Variants in STK24 observed in about 807,000 individuals in gnomAD.
STK24 encodes serine/threonine-protein kinase 24.
Under a neutral mutation model 55.6 loss-of-function variants are expected in STK24, and 21 were observed. The ratio of observed to expected loss-of-function variants is 0.38; its 90% confidence interval spans 0.27 to 0.54. STK24 has a LOEUF of 0.54. STK24 is among the 20% of genes least tolerant of loss of function. The probability of loss-of-function intolerance (pLI) is 0.79; values close to 1 mark genes in which losing one functional copy is unlikely to be tolerated. For synonymous variants in STK24, 200 were observed against 215.2 expected (o/e 0.93, Z 0.62); for missense variants, 383 against 538.4 (o/e 0.71, Z 2.86).
chr13:98,471,771 A>C (rs183995169), intron 5 of STK24, among the ~76,000 whole-genome samples: 2 of 152,324 alleles, frequency 1.3e-5, no homozygotes, highest in African/African-American at 4.8e-5. Context: ...TGAGATGAAG[A>C]AGCTAGTGAG....
intron 1 of STK24, chr13:98,543,147 G>A (rs1896934763): frequency 2.6e-6 from 1 of 387,952 alleles, no homozygotes; most frequent in Non-Finnish European, 3.5e-6. Context: ...ACAGCTTCGG[G>A]AAAATCCTCT....
chr13:98,460,085 C>G (rs1395019890), intron 9 of STK24, among the ~76,000 whole-genome samples: 1 of 152,222 alleles, frequency 6.6e-6, no homozygotes, highest in Admixed American at 6.5e-5. Flanking sequence ...AGGCTGTACA[C>G]AATGAGATTT....
intron 5 of STK24, among the ~76,000 whole-genome samples, chr13:98,469,719 G>C (rs1489690162): frequency 6.6e-6 from 1 of 151,960 alleles, no homozygotes; most frequent in Non-Finnish European, 1.5e-5. Context: ...TCCTAACTTT[G>C]GATTAGTCTA....
chr13:98,446,812 C>A lies in STK24; in HGVS notation c.*6361G>T. On this transcript the variant is annotated 3_prime_UTR_variant, in exon 11 of 11. Transcript: ENST00000539966. ...TCAGGGCGGAAAGCGAGTACACGTT[C>A]GAAAGGTAGACACCCCCTTCCCACG... 6.2e-7 allele frequency: 1 copy of A among 1,614,006 alleles called. No homozygotes were observed. The highest frequency in any genetic ancestry group is 1.1e-5 in the South Asian group (1 of 91,048).
intron 1 of STK24, chr13:98,522,099 G>A (rs539295682): frequency 9.3e-5 from 123 of 1,329,174 alleles, no homozygotes; most frequent in Middle Eastern, 8.0e-4. Flanking sequence ...CTCTGGATCC[G>A]GTCACCAGTG....
rs999486442 is a variant in STK24 at position 98,451,163 on chromosome 13, A to T, written c.*2010T>A. On this transcript the variant is annotated 3_prime_UTR_variant, in exon 11 of 11. Transcript: ENST00000539966. ...CATTGTCCATTTGTAAATCTGAAGA[A>T]CTCTGTAAATCAGAAAAGCTGCTGT... 6.6e-6 allele frequency: 1 copy of T among 152,154 alleles called. No homozygotes were observed. The highest frequency in any genetic ancestry group is 2.4e-5 in the African/African-American group (1 of 41,422). The allele number at this position is 152,154 out of a possible 1,614,324, so 9.4% of individuals were successfully genotyped here. A position where few individuals can be genotyped will look rare whatever the true frequency, so the allele number is the denominator to read the frequency against.
At chr13:98,564,415 T>G (rs965595987) in intron 1 of STK24, among the ~76,000 whole-genome samples, 5 of 152,200 alleles carry the variant, frequency 3.3e-5, no homozygotes, top group African/African-American at 7.2e-5. Context: ...CGGTACTGAG[T>G]CTGAGAATCC....
At chr13:98,510,827 T>C (rs1464117826) in intron 2 of STK24, among the ~76,000 whole-genome samples, 6 of 152,224 alleles carry the variant, frequency 3.9e-5, no homozygotes, top group Admixed American at 3.9e-4. Context: ...TGGTGATGGC[T>C]GCACCGCTCT....
chr13:98,548,323 G>A (rs1183190022), intron 1 of STK24, among the ~76,000 whole-genome samples: 1 of 152,098 alleles, frequency 6.6e-6, no homozygotes, highest in Non-Finnish European at 1.5e-5. Flanking sequence ...TTCCCATTAT[G>A]GTGTGACCTG....
chr13:98,511,719 T>G (rs1261634502), intron 2 of STK24, among the ~76,000 whole-genome samples: 1 of 152,186 alleles, frequency 6.6e-6, no homozygotes, highest in Non-Finnish European at 1.5e-5. Flanking sequence ...TGATTCCATC[T>G]ACGGTGCTCC....
At chr13:98,555,987 C>T (rs1245458201) in intron 1 of STK24, among the ~76,000 whole-genome samples, 7 of 152,128 alleles carry the variant, frequency 4.6e-5, no homozygotes, top group Non-Finnish European at 8.8e-5. Context: ...GGCTACCAGC[C>T]TCCCTGTCTT....
intron 1 of STK24, among the ~76,000 whole-genome samples, chr13:98,543,834 C>T (rs1896960828): frequency 6.6e-6 from 1 of 152,200 alleles, no homozygotes; most frequent in African/African-American, 2.4e-5. Context: ...CCATCCACGA[C>T]TCAGTATCCG....
intron 2 of STK24, among the ~76,000 whole-genome samples, chr13:98,496,924 T>C (rs1364998584): frequency 6.6e-6 from 1 of 152,170 alleles, no homozygotes; most frequent in Admixed American, 6.5e-5. Context: ...AAACAGACAG[T>C]GAAATGCGCA....
At chr13:98,553,274 AATGTCATC>A (rs1897200799) in intron 1 of STK24, 1 of 152,274 alleles carries the variant, frequency 6.6e-6, no homozygotes, top group Non-Finnish European at 1.5e-5. Context: ...CCGAGGGGCC[AATGTCATC>A]ACATGCGTTA....
intron 1 of STK24, among the ~76,000 whole-genome samples, chr13:98,532,037 C>T (rs1896593462): frequency 6.6e-6 from 1 of 152,144 alleles, no homozygotes; most frequent in Admixed American, 6.5e-5. Context: ...CCGATTAAAC[C>T]AGAATCTTTG....
At chr13:98,501,799 T>C (rs1373773120) in intron 2 of STK24, among the ~76,000 whole-genome samples, 1 of 152,234 alleles carries the variant, frequency 6.6e-6, no homozygotes, top group Non-Finnish European at 1.5e-5. Context: ...CCCCTAGCCC[T>C]GTCTGCTCTC....
chr13:98,541,568 A>T (rs1896890512), intron 1 of STK24, among the ~76,000 whole-genome samples: 1 of 152,242 alleles, frequency 6.6e-6, no homozygotes, highest in South Asian at 2.1e-4. Context: ...ATAAACTTTT[A>T]AATTCTTTCA....
At chr13:98,495,580 C>A (rs1402451940) in intron 2 of STK24, among the ~76,000 whole-genome samples, 1 of 152,166 alleles carries the variant, frequency 6.6e-6, no homozygotes, top group African/African-American at 2.4e-5. Flanking sequence ...TAATTCCATT[C>A]AACTTTCTGG....
intron 1 of STK24, among the ~76,000 whole-genome samples, chr13:98,563,630 G>A (rs1897488681): frequency 6.6e-6 from 1 of 152,032 alleles, no homozygotes; most frequent in Non-Finnish European, 1.5e-5. Flanking sequence ...AGGCTGAGGT[G>A]GGCGGATCAC....
Sources: gnomAD v4.1 joint callset for allele counts (sites outside exome capture counted in the v4.1 genomes callset) on GRCh38, gnomAD v4.1.1 for gene constraint, MANE v1.5 for transcripts, NCBI Gene and HGNC (gene_info 2026-07-23, HGNC 2026-07-21) for gene names.